M6PR: variants seen among roughly 807,000 people sequenced by gnomAD.
M6PR encodes mannose-6-phosphate receptor, cation dependent.
A neutral mutation model predicts 33.1 loss-of-function variants in M6PR; 19 were observed. The observed-to-expected ratio is 0.57, with a 90% CI of 0.40 to 0.84. The LOEUF is 0.84. Among genes scored for constraint, M6PR ranks in the 40% least tolerant of loss-of-function variants. The probability of loss-of-function intolerance (pLI) is 0.00; values close to 1 mark genes in which losing one functional copy is unlikely to be tolerated. For synonymous variants in M6PR, 111 were observed against 123.4 expected (o/e 0.90, Z 0.67); for missense variants, 295 against 336.0 (o/e 0.88, Z 0.95).
At position 8,941,950 on chromosome 12, in the gene M6PR, GA is replaced by G. The variant is rs756496193; in HGVS notation, c.712-11del. On this transcript the variant is annotated splice_polypyrimidine_tract_variant and intron_variant, in intron 6 of 6. Coordinates refer to ENST00000000412, the MANE Select transcript of M6PR (RefSeq NM_002355.4). ...CAAAGTCACAGCCATCCTGTAGGGG[GA>G]AAAAAAAGAAGGAAATAATTCGCAG... 27 of 1,611,914 alleles carry G rather than the reference GA, an allele frequency of 1.7e-5. No individual in the cohort carries two copies. Among genetic ancestry groups the G allele is most frequent in the East Asian group, 2.2e-5 (1 of 44,866 alleles).
chr12:8,944,594 T>G (rs944422645), intron 3 of M6PR, among the ~76,000 whole-genome samples: 2 of 152,170 alleles, frequency 1.3e-5, no homozygotes, highest in Admixed American at 6.5e-5. Flanking sequence ...TATAACTTAT[T>G]TATCTGTATG....
At chr12:8,946,667 GA>G (rs1168009815) in intron 1 of M6PR, 16 of 322,904 alleles carry the variant, frequency 5.0e-5, no homozygotes, top group African/African-American at 3.2e-4. Context: ...AGAGGGAAAT[GA>G]AAGAACTTAA....
chr12:8,947,615 A>G (rs1275920217), intron 1 of M6PR, among the ~76,000 whole-genome samples: 1 of 152,202 alleles, frequency 6.6e-6, no homozygotes, highest in Non-Finnish European at 1.5e-5. Context: ...TGCTGTTCAA[A>G]GCACTTAACA....
rs777851992 is a variant in M6PR, at chr12:8,942,399, G to A, written c.711+17C>T. ...TGTTTGCAGGCTACAAATTCAACCA[G>A]CTGCCCTGTTACTTACTGCTACCAG... On this transcript the variant is annotated intron_variant, in intron 6 of 6. Transcript: ENST00000000412. The A allele has an allele frequency of 1.2e-6, 2 of 1,614,016 alleles. No homozygotes were observed. The highest frequency in any genetic ancestry group is 2.7e-5 in the African/African-American group (2 of 74,916).
intron 5 of M6PR, 171 bp downstream of exon 5, chr12:8,943,234 G>T: frequency 4.8e-6 from 4 of 834,582 alleles, no homozygotes; most frequent in Non-Finnish European, 7.2e-6. Flanking sequence ...TTACAGGCGT[G>T]AGCCCTGTGT....
chr12:8,948,431 G>C (rs911711918), intron 1 of M6PR, among the ~76,000 whole-genome samples: 2 of 152,196 alleles, frequency 1.3e-5, no homozygotes, highest in Admixed American at 1.3e-4. Context: ...TATTAAATGT[G>C]TGTGAAGTTA....
At chr12:8,944,626 G>A (rs1215076719) in intron 3 of M6PR, among the ~76,000 whole-genome samples, 1 of 152,100 alleles carries the variant, frequency 6.6e-6, no homozygotes, top group East Asian at 1.9e-4. Flanking sequence ...GACCATAGGT[G>A]CTTACATGGT....
chr12:8,945,338 G>T, intron 3 of M6PR, 80 bp downstream of exon 3: 1 of 1,493,398 alleles, frequency 6.7e-7, no homozygotes, highest in Non-Finnish European at 9.2e-7. Flanking sequence ...CACTAGAAAC[G>T]GCCAAGACAT....
Position 8,941,946 on chromosome 12 carries a change from G to A in M6PR, c.712-6C>T, listed in dbSNP as rs765562527. On this transcript the variant is annotated splice_region_variant and splice_polypyrimidine_tract_variant and intron_variant, in intron 6 of 6. Coordinates refer to ENST00000000412, the MANE Select transcript of M6PR (RefSeq NM_002355.4). ...CAGACAAAGTCACAGCCATCCTGTA[G>A]GGGGAAAAAAAAGAAGGAAATAATT... 1.2e-6 allele frequency: 2 copies of A among 1,613,780 alleles called. No individual in the cohort carries two copies. The highest frequency in any genetic ancestry group is 2.7e-5 in the African/African-American group (2 of 74,868).
At chr12:8,947,860 G>A (rs1946121773) in intron 1 of M6PR, among the ~76,000 whole-genome samples, 1 of 149,986 alleles carries the variant, frequency 6.7e-6, no homozygotes, top group Admixed American at 6.7e-5. Context: ...CTACTAAGAA[G>A]TGAAGGGGAA....
Position 8,941,890 on chromosome 12 carries a change from T to C in M6PR, c.762A>G (p.Ala254=), listed in dbSNP as rs778903133. The C allele has an allele frequency of 6.8e-6, 11 of 1,614,018 alleles. No individual in the cohort carries two copies. Among genetic ancestry groups the C allele is most frequent in the Middle Eastern group, 3.3e-4 (2 of 6,084 alleles). The change falls in exon 7 of 7, where the codon GCA becomes GCG. Residue 254 remains alanine (A), a synonymous_variant. Coordinates refer to ENST00000000412, the MANE Select transcript of M6PR (RefSeq NM_002355.4). ...GCTGGTCATCCCCCACACCACGATA[T>C]GCTGCAGGCACATTTCGAGGTTTAG... ...CRSKPRNVPA[A]YRGVGDDQLG...
intron 3 of M6PR, among the ~76,000 whole-genome samples, chr12:8,944,413 TAA>T (rs1946067034): frequency 6.6e-6 from 1 of 152,168 alleles, no homozygotes; most frequent in Admixed American, 6.5e-5. Flanking sequence ...GTGAATAAGG[TAA>T]AGATTCTGCT....
rs1236757436 is a variant in M6PR at position 8,941,907 on chromosome 12, G to C, written c.745C>G (p.Arg249Gly). ...GCDFVCRSKP[R>G]NVPAAYRGVG... ...CCACGATATGCTGCAGGCACATTTC[G>C]AGGTTTAGAACGGCAGACAAAGTCA... Residue 249 changes from arginine to glycine, a missense_variant, in exon 7 of 7, where the codon CGA becomes GGA. Physicochemically the swap from Arg to Gly is moderately radical, Grantham distance 125. Transcript: ENST00000000412. 17 of 1,614,120 alleles carry C rather than the reference G, an allele frequency of 1.1e-5. No individual in the cohort carries two copies. Among genetic ancestry groups the C allele is most frequent in the Non-Finnish European group, 1.3e-5 (15 of 1,180,010 alleles).
At position 8,945,568 on chromosome 12, in the gene M6PR, C is replaced by T. The variant is rs1946082735; in HGVS notation, c.193G>A (p.Gly65Ser). The T allele has an allele frequency of 6.2e-7, 1 of 1,613,820 alleles. No individual in the cohort carries two copies. The highest frequency in any genetic ancestry group is 8.5e-7 in the Non-Finnish European group (1 of 1,179,980). Residue 65 changes from glycine (G) to serine (S), a missense_variant, in exon 3 of 7, where the codon GGC becomes AGC. Transcript: ENST00000000412. Reference sequence around the variant, plus strand: ...TAGATGTATGTGTCTGAACCCTGGCCCACAGTGCTCTCAAAGCTGTAAAGA... The same window carrying T: ...TAGATGTATGTGTCTGAACCCTGGCTCACAGTGCTCTCAAAGCTGTAAAGA... ...LFNKSFESTV[G>S]QGSDTYIYIF... is the part of the protein sequence containing the mutation.
chr12:8,942,093 T>C lies in M6PR; in HGVS notation c.712-153A>G, dbSNP rs57608327. On this transcript the variant is annotated intron_variant, in intron 6 of 6. Transcript: ENST00000000412. ...ATCTGACAATCAGCCTAAATTCAAT[T>C]TGGGGCAACAGGAGAAAAAGTTTCT... 4.2e-4 allele frequency: 381 copies of C among 904,024 alleles called. 1 individual carries two copies. In the African/African-American group the frequency reaches 5.9e-3, roughly 14 times the overall value. 56.0% of individuals were successfully genotyped at this position (904,024 alleles called of 1,614,324 possible). A position where few individuals can be genotyped will look rare whatever the true frequency, so the allele number is the denominator to read the frequency against.
intron 4 of M6PR, 70 bp from the exon 5 acceptor site, chr12:8,943,605 C>A: frequency 6.3e-7 from 1 of 1,586,728 alleles, no homozygotes; most frequent in Non-Finnish European, 8.7e-7. Context: ...AAATAAAAAA[C>A]CCAAAAAACA....
rs185262924 is a variant in M6PR at position 8,949,333 on chromosome 12, C to G, written c.-2+155G>C. ...TTTCGGAACTCCGTGACTCTCCGCT[C>G]TCATGCCTCCGCCTCCATTCTACCC... is the stretch of plus-strand genomic sequence containing the variant. On this transcript the variant is annotated intron_variant, in intron 1 of 6. Transcript: ENST00000000412. The surrounding 1 kb of genome is among the most constrained non-coding windows in gnomAD (Gnocchi z 5.6). 6.6e-6 allele frequency among the ~76,000 whole-genome samples: 1 copy of G among 152,106 alleles called. No homozygotes were observed. The highest frequency in any genetic ancestry group is 2.4e-5 in the African/African-American group (1 of 41,420).
chr12:8,946,763 C>T, intron 1 of M6PR: 1 of 171,054 alleles, frequency 5.8e-6, no homozygotes. Flanking sequence ...ACCTCTTTGG[C>T]CTCTACAGGT....
At chr12:8,948,647 G>C (rs1946141775) in intron 1 of M6PR, among the ~76,000 whole-genome samples, 1 of 152,182 alleles carries the variant, frequency 6.6e-6, no homozygotes, top group South Asian at 2.1e-4. Context: ...AAATCTTTCA[G>C]TTTTCTTATT....
Sources: allele counts gnomAD v4.1 joint callset (sites outside exome capture counted in the v4.1 genomes callset), GRCh38; gene constraint gnomAD v4.1.1; non-coding constraint Gnocchi (gnomAD v3.1); transcripts MANE v1.5; gene names NCBI Gene and HGNC (gene_info 2026-07-23, HGNC 2026-07-21).